The following DAAM2 variants were observed in gnomAD, a reference collection of about 807,000 sequenced individuals.
DAAM2 encodes dishevelled associated activator of morphogenesis 2, also known as disheveled-associated activator of morphogenesis 2.
In DAAM2, 39 loss-of-function variants were observed where a neutral mutation model predicts 120.7. That is an observed-to-expected ratio of 0.32 (90% CI 0.25 to 0.42). DAAM2 has a LOEUF of 0.42. Ranked by LOEUF, DAAM2 falls within the 10% of genes least tolerant of loss-of-function variation. The pLI, the probability that DAAM2 is intolerant of heterozygous loss-of-function variation, is 1.00. For synonymous variants in DAAM2, 488 were observed against 524.9 expected (o/e 0.93, Z 0.96); for missense variants, 1,283 against 1,401.7 (o/e 0.92, Z 1.35).
At chr6:39,811,819 C>T (rs114570215) in intron 1 of DAAM2, among the ~76,000 whole-genome samples, 2,308 of 152,192 alleles carry the variant, frequency 0.015, 23 homozygotes, top group Non-Finnish European at 0.025. Flanking sequence ...TGGCTTTCTC[C>T]AGGATGGCTT....
chr6:39,805,717 G>T (rs1215723458), intron 1 of DAAM2, among the ~76,000 whole-genome samples: 1 of 151,988 alleles, frequency 6.6e-6, no homozygotes, highest in East Asian at 1.9e-4. Flanking sequence ...ACCACACCCG[G>T]CTAATTTTTT....
In DAAM2 at chr6:39,902,071, C is replaced by T. The variant is rs779645578; in HGVS notation, c.*34C>T. 16 of 1,553,382 alleles carry T rather than the reference C, an allele frequency of 1.0e-5. No homozygotes were observed. In the South Asian group the frequency reaches 1.9e-4, roughly 18 times the overall value. ...ACTAGCCACACAGGAGGCCGGGAGA[C>T]AGGGACTGGTGAGAATGGGGCTGAG... On this transcript the variant is annotated 3_prime_UTR_variant, in exon 25 of 25. Transcript: ENST00000274867.
rs779949569 is a variant in DAAM2 at position 39,868,856 on chromosome 6, C to T, written c.796C>T (p.Arg266Trp). 1.3e-5 allele frequency: 21 copies of T among 1,586,888 alleles called. 1 individual carries two copies. The highest frequency in any genetic ancestry group is 6.9e-5 in the South Asian group (6 of 86,340). ...GAACGAGCTAGACCGAAGTCTGGGC[C>T]GGTACCGGGATGAAGTGAATCTGAA... ...LLNELDRSLGRYRDEVNLKTA... is the reference protein window; with the variant it reads ...LLNELDRSLGWYRDEVNLKTA... Residue 266 changes from arginine (R) to tryptophan (W), a missense_variant, in exon 7 of 25, where the codon CGG (arginine) becomes TGG (tryptophan). Physicochemically the swap from Arg to Trp is moderately radical, Grantham distance 101 (BLOSUM62 -3). Coordinates refer to ENST00000274867, the MANE Select transcript of DAAM2 (RefSeq NM_001201427.2).
Position 39,868,924 on chromosome 6 carries a change from AGCTGGAGAGGT to A in DAAM2, c.866_873+3del. Reference sequence around the variant, plus strand: ...TCATCAATGCTGTCCTCAATGCTGGAGCTGGAGAGGTGGGGTGCCTTCTCCTTGCCCTTGCT... The same window carrying A: ...TCATCAATGCTGTCCTCAATGCTGGAGGGGTGCCTTCTCCTTGCCCTTGCT... On this transcript the variant is annotated splice_donor_variant and coding_sequence_variant, in exon 7 of 25. Transcript: ENST00000274867. LOFTEE classifies it high-confidence loss of function. 6.3e-7 allele frequency: 1 copy of A among 1,574,900 alleles called. No homozygotes were observed. Among genetic ancestry groups the A allele is most frequent in the Non-Finnish European group, 8.6e-7 (1 of 1,159,990 alleles).
At chr6:39,880,598 A>C (rs774952335) in intron 14 of DAAM2, among the ~76,000 whole-genome samples, 29 of 152,220 alleles carry the variant, frequency 1.9e-4, no homozygotes, top group Non-Finnish European at 3.8e-4. Context: ...GGTTCTAACC[A>C]AACCAGGTGT....
At chr6:39,839,775 C>A (rs1456956295) in intron 1 of DAAM2, among the ~76,000 whole-genome samples, 3 of 152,182 alleles carry the variant, frequency 2.0e-5, no homozygotes, top group African/African-American at 7.2e-5. Context: ...GTGAGGGGAG[C>A]CCAGTGTTCA....
chr6:39,888,427 CT>C (rs1765502825), intron 16 of DAAM2: 1 of 325,946 alleles, frequency 3.1e-6, no homozygotes, highest in South Asian at 8.2e-5. Flanking sequence ...CCAAATGCCC[CT>C]ATCAGCTCTG....
At chr6:39,826,965 C>A (rs977072033) in intron 1 of DAAM2, among the ~76,000 whole-genome samples, 1 of 152,084 alleles carries the variant, frequency 6.6e-6, no homozygotes, top group African/African-American at 2.4e-5. Context: ...AAGAGAGAGG[C>A]GGTGTAGCTT....
At chr6:39,794,237 C>T (rs988522437) in intron 1 of DAAM2, among the ~76,000 whole-genome samples, 7 of 152,178 alleles carry the variant, frequency 4.6e-5, no homozygotes, top group African/African-American at 1.7e-4. Flanking sequence ...TGTGTTTTTA[C>T]ACATACATGA....
At chr6:39,888,934 G>A (rs751359511) in intron 17 of DAAM2, 171 bp downstream of exon 17, 17 of 428,250 alleles carry the variant, frequency 4.0e-5, no homozygotes, top group Non-Finnish European at 6.7e-5. Flanking sequence ...GGGAAAGCTG[G>A]AAAAGGCTAA....
In DAAM2 at chr6:39,896,987, A is replaced by G. The variant is rs918221294; in HGVS notation, c.2510+7A>G. On this transcript the variant is annotated splice_region_variant and intron_variant, in intron 20 of 24. Coordinates refer to ENST00000274867, the MANE Select transcript of DAAM2 (RefSeq NM_001201427.2). Reference sequence around the variant, plus strand: ...CCAAGTCCAGCATCGACAGGTGAGGACCTCCCTTCCCGGCCACTTCCTTGG... The same window carrying G: ...CCAAGTCCAGCATCGACAGGTGAGGGCCTCCCTTCCCGGCCACTTCCTTGG... The G allele has an allele frequency of 6.2e-7, 1 of 1,601,374 alleles. No individual in the cohort carries two copies. The highest frequency in any genetic ancestry group is 1.1e-5 in the South Asian group (1 of 88,472).
intron 1 of DAAM2, among the ~76,000 whole-genome samples, chr6:39,836,826 G>T (rs564257548): frequency 6.6e-6 from 1 of 152,088 alleles, no homozygotes; most frequent in Non-Finnish European, 1.5e-5. Context: ...TACTAGCTCC[G>T]GATAGAGGGC....
intron 15 of DAAM2, chr6:39,886,598 G>A (rs1765390521): frequency 2.5e-6 from 1 of 397,118 alleles, no homozygotes; most frequent in Admixed American, 4.4e-5. Flanking sequence ...GGCCCCCAAA[G>A]AGAAAGAAGA....
intron 1 of DAAM2, among the ~76,000 whole-genome samples, chr6:39,832,380 CT>C (rs1445575096): frequency 1.2e-4 from 19 of 152,176 alleles, no homozygotes; most frequent in African/African-American, 3.9e-4. Flanking sequence ...CTCTTGTCCT[CT>C]TCTTCCCTTC....
Position 39,901,643 on chromosome 6 carries a change from G to C in DAAM2, c.2983-170G>C, listed in dbSNP as rs1766492552. The stretch of plus-strand genomic sequence containing the variant: ...AACTTCTTCCCAGCCTGAGGGAAGA[G>C]AGTGGTGTGAAGCTGGGGGCCTGTA... On this transcript the variant is annotated intron_variant, in intron 24 of 24. Coordinates refer to ENST00000274867, the MANE Select transcript of DAAM2 (RefSeq NM_001201427.2). The surrounding 1 kb of genome is among the most constrained non-coding windows in gnomAD (Gnocchi z 4.5). Among the ~76,000 whole-genome samples the C allele has an allele frequency of 6.6e-6, 1 of 152,182 alleles. No individual in the cohort carries two copies. The highest frequency in any genetic ancestry group is 2.4e-5 in the African/African-American group (1 of 41,440).
At position 39,879,260 on chromosome 6, in the gene DAAM2, C is replaced by T; in HGVS notation, c.1628C>T (p.Pro543Leu). ...SSMTTNDLPP[P>L]PPPLPFACCP... is the part of the protein sequence containing the mutation. ...ATGACAACCAATGACCTGCCTCCAC[C>T]CCCTCCTCCTCTGCCCTTTGCCTGT... The change falls in exon 14 of 25, where the codon CCC (proline) becomes CTC (leucine). Residue 543 changes from proline (P) to leucine (L), a missense_variant. Pro to Leu is a moderately conservative substitution (Grantham distance 98). Transcript: ENST00000274867. 1 of 1,536,034 alleles carries T rather than the reference C, an allele frequency of 6.5e-7. No individual in the cohort carries two copies. Among genetic ancestry groups the T allele is most frequent in the Non-Finnish European group, 8.8e-7 (1 of 1,135,386 alleles).
chr6:39,870,268 G>T (rs376342216), intron 7 of DAAM2, 72 bp from the exon 8 acceptor site: 12 of 910,192 alleles, frequency 1.3e-5, no homozygotes, highest in Non-Finnish European at 1.6e-5. Context: ...GGGTGGTGAT[G>T]AGGGCTCCAC....
intron 1 of DAAM2, among the ~76,000 whole-genome samples, chr6:39,834,603 G>C (rs751730544): frequency 6.6e-6 from 1 of 152,166 alleles, no homozygotes; most frequent in Non-Finnish European, 1.5e-5. Context: ...AAAGGCGAAG[G>C]GGGTATCTGG....
At chr6:39,833,462 AC>A (rs1456039505) in intron 1 of DAAM2, among the ~76,000 whole-genome samples, 1 of 151,958 alleles carries the variant, frequency 6.6e-6, no homozygotes, top group East Asian at 1.9e-4. Context: ...GCACCACCAC[AC>A]CTGGCTAAGT....
Sources: allele counts gnomAD v4.1 joint callset (sites outside exome capture counted in the v4.1 genomes callset), GRCh38; gene constraint gnomAD v4.1.1; non-coding constraint Gnocchi (gnomAD v3.1); transcripts MANE v1.5; gene names NCBI Gene and HGNC (gene_info 2026-07-23, HGNC 2026-07-21).